AGMO: variants seen among roughly 807,000 people sequenced by gnomAD.
AGMO encodes glyceryl-ether monooxygenase.
AGMO carries 75 observed loss-of-function variants against 60.2 expected under a neutral mutation model. That is an observed-to-expected ratio of 1.25 (90% CI 1.03 to 1.51). The LOEUF (loss-of-function observed/expected upper bound fraction) is 1.51. AGMO is among the 40% of genes most tolerant of loss of function. The pLI, the probability that AGMO is intolerant of heterozygous loss-of-function variation, is 0.00. For synonymous variants in AGMO, 261 were observed against 177.1 expected (o/e 1.47, Z -3.76); for missense variants, 763 against 525.5 (o/e 1.45, Z -4.42).
At chr7:15,233,036 C>T (rs1416352037) in intron 12 of AGMO, among the ~76,000 whole-genome samples, 1 of 151,972 alleles carries the variant, frequency 6.6e-6, no homozygotes. Context: ...TGCCATGCAT[C>T]CCATTATAAA....
At chr7:15,221,631 C>A (rs536588203) in intron 12 of AGMO, among the ~76,000 whole-genome samples, 3 of 152,082 alleles carry the variant, frequency 2.0e-5, no homozygotes, top group Admixed American at 6.6e-5. Context: ...TGTAGGCACA[C>A]TGGAAATTGT....
At chr7:15,216,967 T>G (rs1013364914) in intron 12 of AGMO, among the ~76,000 whole-genome samples, 1 of 151,970 alleles carries the variant, frequency 6.6e-6, no homozygotes, top group Non-Finnish European at 1.5e-5. Context: ...CCATAAAGTG[T>G]CCTAATTCAC....
chr7:15,386,218 T>C (rs1178787192), intron 9 of AGMO, among the ~76,000 whole-genome samples: 2 of 152,060 alleles, frequency 1.3e-5, no homozygotes, highest in South Asian at 2.1e-4. Flanking sequence ...CTTGGCAGTG[T>C]AGGTAATCAT....
the AGMO span, among the ~76,000 whole-genome samples, chr7:15,171,470 G>A: frequency 6.6e-6 from 1 of 152,114 alleles, no homozygotes; most frequent in South Asian, 2.1e-4. Context: ...TTGAAAGGAA[G>A]TCACTGTGTT....
chr7:15,354,752 T>A (rs189229466), intron 12 of AGMO, among the ~76,000 whole-genome samples: 1 of 151,054 alleles, frequency 6.6e-6, no homozygotes, highest in Admixed American at 6.6e-5. Flanking sequence ...AACACAAAAA[T>A]ATCAAAGAGG....
At chr7:15,469,068 T>C (rs1782369246) in intron 3 of AGMO, among the ~76,000 whole-genome samples, 1 of 152,106 alleles carries the variant, frequency 6.6e-6, no homozygotes, top group Non-Finnish European at 1.5e-5. Flanking sequence ...AATGTGGGAA[T>C]GTACGGGTTG....
intron 10 of AGMO, among the ~76,000 whole-genome samples, chr7:15,375,587 G>A (rs1783419640): frequency 6.6e-6 from 1 of 151,878 alleles, no homozygotes; most frequent in Admixed American, 6.6e-5. Flanking sequence ...AGCAGAGGCG[G>A]AGGTTCTCCA....
intron 12 of AGMO, among the ~76,000 whole-genome samples, chr7:15,208,346 T>C (rs1017791476): frequency 6.6e-6 from 1 of 152,202 alleles, no homozygotes; most frequent in African/African-American, 2.4e-5. Context: ...AGTATCTTAG[T>C]AAAGGTGTAC....
intron 12 of AGMO, among the ~76,000 whole-genome samples, chr7:15,304,280 C>G (rs1780544813): frequency 6.6e-6 from 1 of 152,112 alleles, no homozygotes; most frequent in Admixed American, 6.6e-5. Context: ...TTTCTCTTCT[C>G]CAGCTCTCTC....
chr7:15,437,109 C>CTT (rs1238812183), intron 3 of AGMO, among the ~76,000 whole-genome samples: 2 of 152,068 alleles, frequency 1.3e-5, no homozygotes, highest in African/African-American at 4.8e-5. Context: ...TAGTAACAGA[C>CTT]TCAAGCTACC....
the AGMO span, among the ~76,000 whole-genome samples, chr7:15,184,479 AGG>A: frequency 3.7e-5 from 3 of 81,342 alleles, no homozygotes; most frequent in African/African-American, 5.1e-5. Context: ...AGGAAGGAAA[AGG>A]AGGGAGGGAA....
chr7:15,325,804 A>T (rs1299679688), intron 12 of AGMO, among the ~76,000 whole-genome samples: 1 of 152,146 alleles, frequency 6.6e-6, no homozygotes, highest in African/African-American at 2.4e-5. Context: ...TCTTAATAGG[A>T]AGTTTTATTA....
chr7:15,513,454 C>G (rs943102963), intron 3 of AGMO, among the ~76,000 whole-genome samples: 1 of 152,116 alleles, frequency 6.6e-6, no homozygotes, highest in Non-Finnish European at 1.5e-5. Context: ...TCTTCACATT[C>G]TGGTGGGAGT....
chr7:15,196,465 T>C (rs1171141017), downstream of AGMO, among the ~76,000 whole-genome samples: 1 of 152,200 alleles, frequency 6.6e-6, no homozygotes, highest in African/African-American at 2.4e-5. Flanking sequence ...ATTAACATCT[T>C]TGCTATAGAA....
chr7:15,142,007 T>A, the AGMO span, among the ~76,000 whole-genome samples: 3 of 152,174 alleles, frequency 2.0e-5, no homozygotes, highest in Non-Finnish European at 4.4e-5. Flanking sequence ...CTTAACCTTT[T>A]GCTAATTCTC....
intron 8 of AGMO, among the ~76,000 whole-genome samples, chr7:15,389,698 A>T (rs2128484744): frequency 6.6e-6 from 1 of 152,320 alleles, no homozygotes; most frequent in African/African-American, 2.4e-5. Context: ...TTAAGTTTAC[A>T]GCTAACAAGT....
the AGMO span, among the ~76,000 whole-genome samples, chr7:15,181,562 C>T: frequency 9.6e-3 from 1,465 of 152,098 alleles, 24 homozygotes; most frequent in African/African-American, 0.033. Context: ...CCTTTTATTC[C>T]ATTGCTCTTA....
Position 15,467,000 on chromosome 7 carries a change from A to G in AGMO, c.410-35892T>C, listed in dbSNP as rs568849448. On this transcript the variant is annotated intron_variant, in intron 3 of 12. Coordinates refer to ENST00000342526, the MANE Select transcript of AGMO (RefSeq NM_001004320.2). ...GGACAAATTAGAAAAATAAAACAGT[A>G]TTTAGTAGAGTGAACCTGATGATTT... Among the ~76,000 whole-genome samples the G allele has an allele frequency of 6.4e-4, 97 of 152,278 alleles. No homozygotes were observed. In the Middle Eastern group the frequency reaches 0.01, roughly 16 times the overall value.
At chr7:15,410,183 T>A (rs1410349543) in intron 5 of AGMO, among the ~76,000 whole-genome samples, 2 of 151,716 alleles carry the variant, frequency 1.3e-5, no homozygotes, top group Non-Finnish European at 2.9e-5. Flanking sequence ...AAGAAAATTA[T>A]AACTCTTTTT....
Sources: gnomAD v4.1 joint callset for allele counts (sites outside exome capture counted in the v4.1 genomes callset) on GRCh38, gnomAD v4.1.1 for gene constraint, MANE v1.5 for transcripts, NCBI Gene and HGNC (gene_info 2026-07-23, HGNC 2026-07-21) for gene names.